TIAM2: variants seen among roughly 807,000 people sequenced by gnomAD.
TIAM2 encodes the protein rho guanine nucleotide exchange factor TIAM2.
TIAM2 carries 80 observed loss-of-function variants against 152.9 expected under a neutral mutation model. That is an observed-to-expected ratio of 0.52 (90% CI 0.44 to 0.63). The LOEUF (loss-of-function observed/expected upper bound fraction) is 0.63. Ranked by LOEUF, TIAM2 falls within the 30% of genes least tolerant of loss-of-function variation. The probability of loss-of-function intolerance (pLI) is 0.00; values close to 1 mark genes in which losing one functional copy is unlikely to be tolerated. For synonymous variants in TIAM2, 804 were observed against 838.0 expected (o/e 0.96, Z 0.70); for missense variants, 1,965 against 2,120.1 (o/e 0.93, Z 1.44).
intron 16 of TIAM2, among the ~76,000 whole-genome samples, chr6:155,243,780 G>A (rs530734979): frequency 3.0e-5 from 4 of 135,560 alleles, no homozygotes; most frequent in East Asian, 2.6e-4. Context: ...CCAGGAGGCA[G>A]AGGTTGCAGT....
intron 1 of TIAM2, among the ~76,000 whole-genome samples, chr6:155,007,946 A>T (rs1244301176): frequency 6.6e-6 from 1 of 152,240 alleles, no homozygotes; most frequent in African/African-American, 2.4e-5. Flanking sequence ...TGATAGCTTG[A>T]TAAATCACAT....
chr6:155,065,209 C>T (rs1300791171), intron 1 of TIAM2, among the ~76,000 whole-genome samples: 1 of 152,096 alleles, frequency 6.6e-6, no homozygotes. Flanking sequence ...CCACCTCGGC[C>T]TCCCAAAGTG....
intron 15 of TIAM2, among the ~76,000 whole-genome samples, chr6:155,233,583 CT>C (rs1319174095): frequency 6.6e-6 from 1 of 152,174 alleles, no homozygotes; most frequent in Non-Finnish European, 1.5e-5. Flanking sequence ...AGACGTCTGC[CT>C]GAATTCAGAG....
At chr6:155,211,140 A>T (rs1781707567) in intron 14 of TIAM2, 64 bp from the exon 15 acceptor site, 6 of 1,439,994 alleles carry the variant, frequency 4.2e-6, no homozygotes, top group Admixed American at 3.6e-5. Context: ...GAGCCTTTAA[A>T]CCGGGTGTTA....
intron 15 of TIAM2, among the ~76,000 whole-genome samples, chr6:155,221,110 GTTTTT>G (rs35638764): frequency 1.1e-4 from 11 of 98,980 alleles, no homozygotes; most frequent in African/African-American, 2.9e-4. Context: ...CTTTCATCTT[GTTTTT>G]TTTTTTTTTT....
rs935918323 is a variant in TIAM2, at chr6:155,118,509, C to T, written c.-117-8981C>T. ...GTGCAGTGGCGTGATCTTGACTCAC[C>T]GCAACCTTTGCCTCCTGGATTCAAG... On this transcript the variant is annotated intron_variant, in intron 2 of 26. Coordinates refer to ENST00000682666, the MANE Select transcript of TIAM2 (RefSeq NM_012454.4). Among the ~76,000 whole-genome samples, 7 of 148,872 alleles carry T rather than the reference C, an allele frequency of 4.7e-5. No homozygotes were observed. In the East Asian group the frequency reaches 1.2e-3, roughly 26 times the overall value.
In TIAM2 at chr6:155,137,432, G is replaced by A. The variant is rs1031872527; in HGVS notation, c.1450G>A (p.Glu484Lys). The change falls in exon 5 of 27, where the codon GAG becomes AAG. Residue 484 changes from glutamate (E) to lysine (K), a missense_variant. Physicochemically the swap from Glu to Lys is moderately conservative, Grantham distance 56. This residue lies in a region of TIAM2 where 1,025 missense variants were observed against 1,119.4 expected (regional missense o/e 0.92). Coordinates refer to ENST00000682666, the MANE Select transcript of TIAM2 (RefSeq NM_012454.4). ...CATAGAAACATCTACAGAAACCGCC[G>A]AGTCCAGCAGCGAGTCACTCAGCTC... ...ENIETSTETA[E>K]SSSESLSSLE... 21 of 1,614,108 alleles carry A rather than the reference G, an allele frequency of 1.3e-5. No homozygotes were observed. Among genetic ancestry groups the A allele is most frequent in the Non-Finnish European group, 1.6e-5 (19 of 1,180,044 alleles).
chr6:155,096,987 C>T (rs1778429407), intron 2 of TIAM2, among the ~76,000 whole-genome samples: 1 of 152,168 alleles, frequency 6.6e-6, no homozygotes, highest in South Asian at 2.1e-4. Context: ...AAGGGTTTCC[C>T]TTTCTCTACA....
rs1778688060 is a variant in TIAM2, at chr6:155,106,295, A to G, written c.-118+15916A>G. Among the ~76,000 whole-genome samples the G allele has an allele frequency of 2.0e-5, 3 of 152,220 alleles. No individual in the cohort carries two copies. The South Asian group carries it at 6.2e-4, about 32-fold the overall frequency. The stretch of plus-strand genomic sequence containing the variant: ...GCTGGGATTATAGGCGTAAGTCACC[A>G]TGCCCAGCCTTTTTGGGGTATTTTT... On this transcript the variant is annotated intron_variant, in intron 2 of 26. Transcript: ENST00000682666.
At chr6:155,086,558 T>C (rs1240608228) in intron 1 of TIAM2, among the ~76,000 whole-genome samples, 5 of 151,668 alleles carry the variant, frequency 3.3e-5, no homozygotes, top group Non-Finnish European at 5.9e-5. Context: ...AATACAAAAA[T>C]TAGACAAGTG....
chr6:155,172,837 G>A (rs2115120371), intron 9 of TIAM2, among the ~76,000 whole-genome samples: 1 of 150,678 alleles, frequency 6.6e-6, no homozygotes, highest in East Asian at 1.9e-4. Context: ...TTTGACATGG[G>A]TAACCTGGAA....
intron 26 of TIAM2, chr6:155,255,373 A>C (rs1783934843): frequency 6.6e-6 from 1 of 152,118 alleles, no homozygotes; most frequent in Non-Finnish European, 1.5e-5. Flanking sequence ...ATTTCAGCTT[A>C]AGTTTTCAGA....
chr6:155,004,896 C>G (rs574932774), intron 1 of TIAM2: 1 of 160,616 alleles, frequency 6.2e-6, no homozygotes, highest in South Asian at 1.9e-4. Context: ...GGGGAGAGGT[C>G]GCTGAGGTGG....
intron 1 of TIAM2, among the ~76,000 whole-genome samples, chr6:155,015,082 C>T (rs1166695104): frequency 6.6e-6 from 1 of 151,946 alleles, no homozygotes; most frequent in Non-Finnish European, 1.5e-5. Flanking sequence ...TCCAGCTGGG[C>T]TACTGCAGGA....
chr6:155,228,428 C>T (rs73006779), intron 15 of TIAM2, among the ~76,000 whole-genome samples: 4,215 of 152,266 alleles, frequency 0.028, 81 homozygotes, highest in Non-Finnish European at 0.046. Context: ...CAACTCAATA[C>T]GGTCTCAGAG....
chr6:155,069,293 C>T (rs1777780481), intron 1 of TIAM2, among the ~76,000 whole-genome samples: 1 of 152,002 alleles, frequency 6.6e-6, no homozygotes, highest in African/African-American at 2.4e-5. Context: ...GAGGTTTTGC[C>T]ATGTTTCCCA....
chr6:155,088,791 T>A (rs530323583), intron 1 of TIAM2, among the ~76,000 whole-genome samples: 10 of 152,350 alleles, frequency 6.6e-5, no homozygotes, highest in African/African-American at 1.7e-4. Flanking sequence ...TTAAACATTA[T>A]TAGACCTTTT....
rs1222605568 is a variant in TIAM2, at chr6:155,126,577, C to CA, written c.-117-909dup. On this transcript the variant is annotated intron_variant, in intron 2 of 26. Transcript: ENST00000682666. The stretch of plus-strand genomic sequence containing the variant: ...AGAAACCCTGTCTCTACTAAAAATA[C>CA]AAAATTAGCTGGGCGTGGTGGTGCG... Among the ~76,000 whole-genome samples, 12 of 152,044 alleles carry CA rather than the reference C, an allele frequency of 7.9e-5. No homozygotes were observed. In the East Asian group the frequency reaches 2.1e-3, roughly 27 times the overall value.
intron 2 of TIAM2, among the ~76,000 whole-genome samples, chr6:155,099,827 A>G (rs1778513940): frequency 6.6e-6 from 1 of 152,236 alleles, no homozygotes; most frequent in African/African-American, 2.4e-5. Flanking sequence ...CATAGAGTGT[A>G]CTTACATGAA....
Sources: gnomAD v4.1 joint callset for allele counts (sites outside exome capture counted in the v4.1 genomes callset) on GRCh38, gnomAD v4.1.1 for gene constraint, gnomAD v4.1.1 regional missense constraint, MANE v1.5 for transcripts, NCBI Gene and HGNC (gene_info 2026-07-23, HGNC 2026-07-21) for gene names.